Variants in RFC3 observed in about 807,000 individuals in gnomAD.
RFC3 encodes A1 38 kDa subunit.
RFC3 carries 41 observed loss-of-function variants against 45.1 expected under a neutral mutation model. The ratio of observed to expected loss-of-function variants is 0.91; its 90% CI spans 0.71 to 1.18. The LOEUF is 1.18. RFC3 is among the 50% of genes most tolerant of loss of function. The pLI is 0.00. For missense variants in RFC3, 423 were observed against 428.1 expected, an observed-to-expected ratio of 0.99 and a Z score of 0.10; for synonymous variants, 149 against 144.0, an observed-to-expected ratio of 1.03 and a Z score of -0.25.
intron 2 of RFC3, among the ~76,000 whole-genome samples, chr13:33,822,512 CTA>C (rs1312039746): frequency 2.0e-5 from 3 of 152,032 alleles, no homozygotes; most frequent in African/African-American, 7.2e-5. Context: ...TATTGTATGT[CTA>C]TTGTAAATAA....
intron 8 of RFC3, among the ~76,000 whole-genome samples, chr13:33,955,576 C>T (rs2083017018): frequency 2.0e-5 from 3 of 152,166 alleles, no homozygotes; most frequent in Admixed American, 2.0e-4. Flanking sequence ...AACCCTGCCT[C>T]TCAAAAACAC....
intron 8 of RFC3, among the ~76,000 whole-genome samples, chr13:33,931,858 C>A (rs1384322725): frequency 6.6e-6 from 1 of 151,970 alleles, no homozygotes; most frequent in Non-Finnish European, 1.5e-5. Context: ...AAGTCAAATT[C>A]TGTTCATGTA....
intron 8 of RFC3, among the ~76,000 whole-genome samples, chr13:33,961,611 G>C (rs1000130395): frequency 5.9e-5 from 9 of 152,160 alleles, no homozygotes; most frequent in Non-Finnish European, 7.3e-5. Context: ...AGGTTTCCAG[G>C]GTAAAGGAGA....
At chr13:33,830,656 A>AAC in intron 5 of RFC3, 63 bp from the exon 6 acceptor site, 1 of 1,387,522 alleles carries the variant, frequency 7.2e-7, no homozygotes, top group Non-Finnish European at 1.0e-6. Context: ...GGAGGATATC[A>AAC]ACAGAAATGA....
intron 8 of RFC3, among the ~76,000 whole-genome samples, chr13:33,947,645 T>C (rs1363716931): frequency 6.6e-6 from 1 of 152,158 alleles, no homozygotes; most frequent in Non-Finnish European, 1.5e-5. Flanking sequence ...GACAGGAAGA[T>C]GTGAGAAAGT....
chr13:33,941,780 A>G (rs1012930261), intron 8 of RFC3, among the ~76,000 whole-genome samples: 29 of 151,774 alleles, frequency 1.9e-4, no homozygotes, highest in Non-Finnish European at 2.8e-4. Flanking sequence ...ATGGGTTGAG[A>G]GCCTCCATCC....
chr13:33,829,946 A>C lies in RFC3; in HGVS notation c.502A>C (p.Thr168Pro). ...CAGATTGATCTTGTGCTGCAATTCT[A>C]CATCTAAAGTGATCCCACCTATTCG... ...TCRLILCCNSTSKVIPPIRSR... is the reference protein window; with the variant it reads ...TCRLILCCNSPSKVIPPIRSR... The change falls in exon 5 of 9, where the codon ACA becomes CCA. Residue 168 changes from threonine to proline, a missense_variant. Thr to Pro is a conservative substitution (Grantham distance 38). Transcript: ENST00000380071. 1.9e-6 allele frequency: 3 copies of C among 1,614,162 alleles called. No homozygotes were observed. Among genetic ancestry groups the C allele is most frequent in the South Asian group, 2.2e-5 (2 of 91,080 alleles).
intron 8 of RFC3, among the ~76,000 whole-genome samples, chr13:33,873,909 A>T (rs1416222573): frequency 6.6e-6 from 1 of 152,200 alleles, no homozygotes; most frequent in African/African-American, 2.4e-5. Flanking sequence ...CTCTTTAAAT[A>T]GTCTAAGATT....
chr13:33,836,927 G>C lies in RFC3; in HGVS notation c.*632G>C, dbSNP rs2082160180. 1.7e-5 allele frequency: 17 copies of C among 984,674 alleles called. No homozygotes were observed. The highest frequency in any genetic ancestry group is 2.0e-5 in the Non-Finnish European group (17 of 829,642). 61.0% of individuals were successfully genotyped at this position (984,674 alleles called of 1,614,324 possible). On this transcript the variant is annotated 3_prime_UTR_variant, in exon 9 of 9. Transcript: ENST00000380071. ...ACTTGAGACTCTTGAAGAAAATTCA[G>C]AATGAAGTTCTGGAGAAAGGTATGT...
At chr13:33,910,945 A>G (rs760034768) in intron 8 of RFC3, among the ~76,000 whole-genome samples, 9 of 151,960 alleles carry the variant, frequency 5.9e-5, no homozygotes, top group Non-Finnish European at 1.0e-4. Flanking sequence ...CCCTTTCATG[A>G]GAGCAGCACG....
downstream of RFC3, among the ~76,000 whole-genome samples, chr13:33,839,952 G>C (rs1293453238): frequency 6.6e-6 from 1 of 152,002 alleles, no homozygotes; most frequent in Non-Finnish European, 1.5e-5. Context: ...TTGTCTTCTG[G>C]GTTGTGTTGT....
intron 8 of RFC3, among the ~76,000 whole-genome samples, chr13:33,916,385 T>G (rs1450957304): frequency 6.6e-6 from 1 of 152,192 alleles, no homozygotes; most frequent in South Asian, 2.1e-4. Flanking sequence ...TTGTATATTA[T>G]TCTATTCAAT....
chr13:33,909,342 T>C (rs2082690669), intron 8 of RFC3, among the ~76,000 whole-genome samples: 1 of 151,996 alleles, frequency 6.6e-6, no homozygotes, highest in Non-Finnish European at 1.5e-5. Flanking sequence ...TGACCTCCTG[T>C]TCTTAGACAC....
Position 33,824,405 on chromosome 13 carries a change from G to T in RFC3, c.293+421G>T, listed in dbSNP as rs113611156. Among the ~76,000 whole-genome samples the T allele has an allele frequency of 5.4e-3, 817 of 152,168 alleles. 4 individuals carry two copies. Among genetic ancestry groups the T allele is most frequent in the African/African-American group, 0.018 (765 of 41,508 alleles). On this transcript the variant is annotated intron_variant, in intron 3 of 8. Coordinates refer to ENST00000380071, the MANE Select transcript of RFC3 (RefSeq NM_002915.4). ...CTTTGTTTAAATTTCTTGATTAGAG[G>T]TATTATAATAGTTCACCAACCAATA... is the stretch of plus-strand genomic sequence containing the variant.
chr13:33,931,538 C>A (rs1162981730), intron 8 of RFC3, among the ~76,000 whole-genome samples: 1 of 152,080 alleles, frequency 6.6e-6, no homozygotes, highest in Admixed American at 6.6e-5. Flanking sequence ...ATTCTAAAAT[C>A]TTGCGAACAG....
intron 8 of RFC3, among the ~76,000 whole-genome samples, chr13:33,957,070 A>C (rs1373563159): frequency 6.6e-6 from 1 of 152,194 alleles, no homozygotes; most frequent in African/African-American, 2.4e-5. Context: ...CTACTGATCT[A>C]TATTTAAACA....
At chr13:33,887,695 T>G (rs532743900) in intron 8 of RFC3, among the ~76,000 whole-genome samples, 90 of 152,314 alleles carry the variant, frequency 5.9e-4, no homozygotes, top group African/African-American at 2.0e-3. Context: ...AGACATGAAG[T>G]CCTTGCCCAT....
chr13:33,824,073 A>G (rs2139385708), intron 3 of RFC3, 89 bp downstream of exon 3: 1 of 622,142 alleles, frequency 1.6e-6, no homozygotes, highest in Admixed American at 3.4e-5. Context: ...CTTTTTTGAA[A>G]TAAATTGATA....
chr13:33,821,792 T>G (rs1222856811), intron 2 of RFC3, among the ~76,000 whole-genome samples: 1 of 152,242 alleles, frequency 6.6e-6, no homozygotes, highest in African/African-American at 2.4e-5. Flanking sequence ...TCTTCCATTA[T>G]GGATGATGTT....
Sources: allele counts gnomAD v4.1 joint callset (sites outside exome capture counted in the v4.1 genomes callset), GRCh38; gene constraint gnomAD v4.1.1; transcripts MANE v1.5; gene names NCBI Gene and HGNC (gene_info 2026-07-23, HGNC 2026-07-21).